Variants in DRC7 observed in about 807,000 individuals in gnomAD.
DRC7 encodes the protein dynein regulatory complex subunit 7.
Under a neutral mutation model 104.4 loss-of-function variants are expected in DRC7, and 80 were observed. That is an observed-to-expected ratio of 0.77 (90% CI 0.64 to 0.92). DRC7 has a LOEUF of 0.92. DRC7 is among the 40% of genes least tolerant of loss of function. The pLI, the probability that DRC7 is intolerant of heterozygous loss-of-function variation, is 0.00. For missense variants in DRC7, 1,034 were observed against 1,141.1 expected, an observed-to-expected ratio of 0.91 and a Z score of 1.35; for synonymous variants, 405 against 447.3, an observed-to-expected ratio of 0.91 and a Z score of 1.19.
At position 57,704,980 on chromosome 16, in the gene DRC7, G is replaced by C. The variant is rs1352644557; in HGVS notation, c.804G>C (p.Gln268His). The C allele has an allele frequency of 6.2e-7, 1 of 1,613,590 alleles. No individual in the cohort carries two copies. Among genetic ancestry groups the C allele is most frequent in the African/African-American group, 1.3e-5 (1 of 75,018 alleles). The part of the protein sequence containing the change: ...FEQEQEVKKQ[Q>H]EIRAQEKKRL... ...AGGAGCAAGAGGTGAAGAAGCAGCA[G>C]GAGATCAGAGCCCAGGAGAAGAAGC... The change falls in exon 7 of 19, where the codon CAG becomes CAC. Residue 268 changes from glutamine (Q) to histidine (H), a missense_variant. Coordinates refer to ENST00000360716, the MANE Select transcript of DRC7 (RefSeq NM_001289162.2).
chr16:57,731,319 GCTC>G lies in DRC7; in HGVS notation c.*64_*66del. 7.3e-7 allele frequency: 1 copy of G among 1,368,480 alleles called. No individual in the cohort carries two copies. The highest frequency in any genetic ancestry group is 1.0e-6 in the Non-Finnish European group (1 of 965,402). The allele number at this position is 1,368,480 out of a possible 1,614,324, so 84.8% of individuals were successfully genotyped here. Reference sequence around the variant, plus strand: ...AAAGGAAACCTCTTCCCGCAGCCTGGCTCCTGTGTTCCCTCTATCCAGCCAATG... The same window carrying G: ...AAAGGAAACCTCTTCCCGCAGCCTGGCTGTGTTCCCTCTATCCAGCCAATG... On this transcript the variant is annotated 3_prime_UTR_variant, in exon 19 of 19. Coordinates refer to ENST00000360716, the MANE Select transcript of DRC7 (RefSeq NM_001289162.2).
rs554272284 is a variant in DRC7 at position 57,726,566 on chromosome 16, G to A, written c.1975-266G>A. The A allele has an allele frequency of 2.2e-5, 12 of 556,912 alleles. No homozygotes were observed. The South Asian group carries it at 2.4e-4, about 11-fold the overall frequency. The allele number at this position is 556,912 out of a possible 1,614,324, so 34.5% of individuals were successfully genotyped here. A position where few individuals can be genotyped will look rare whatever the true frequency, so the allele number is the denominator to read the frequency against. On this transcript the variant is annotated intron_variant, in intron 14 of 18. Coordinates refer to ENST00000360716, the MANE Select transcript of DRC7 (RefSeq NM_001289162.2). ...CAGATCCTAGGGAGGCTCTGTGGGA[G>A]GGGAAGAGTCTCACTACCTCTGAGG...
chr16:57,702,087 A>G lies in DRC7; in HGVS notation c.656A>G (p.Asp219Gly), dbSNP rs750825334. 34 of 1,613,978 alleles carry G rather than the reference A, an allele frequency of 2.1e-5. No individual in the cohort carries two copies. Among genetic ancestry groups the G allele is most frequent in the Non-Finnish European group, 2.7e-5 (32 of 1,180,014 alleles). ...GGCTCGCTGGACCTGTGCCACATGG[A>G]CCTGACGCGGGAGGTGTGCCCACTC... ...GYGSLDLCHM[D>G]LTREVCPLTV... is the part of the protein sequence containing the mutation. Residue 219 changes from aspartate (D) to glycine (G), a missense_variant, in exon 6 of 19, where the codon GAC becomes GGC. Transcript: ENST00000360716.
chr16:57,715,462 C>T (rs1381570642), intron 8 of DRC7, among the ~76,000 whole-genome samples: 1 of 152,202 alleles, frequency 6.6e-6, no homozygotes, highest in Non-Finnish European at 1.5e-5. Flanking sequence ...TGCATGATTG[C>T]TTTGCCGGTT....
At chr16:57,696,071 G>A (rs371269664) in intron 1 of DRC7, among the ~76,000 whole-genome samples, 7 of 152,154 alleles carry the variant, frequency 4.6e-5, no homozygotes, top group Non-Finnish European at 8.8e-5. Flanking sequence ...TGTGGGTTTC[G>A]TTTGTTTTCC....
chr16:57,721,808 A>T (rs1208469910), intron 10 of DRC7, 69 bp downstream of exon 10: 1 of 1,197,468 alleles, frequency 8.4e-7, no homozygotes, highest in Non-Finnish European at 1.2e-6. Flanking sequence ...GAGGTCTGCA[A>T]CAGCGAGGCA....
chr16:57,697,810 C>A, intron 2 of DRC7, 103 bp from the exon 3 acceptor site: 1 of 1,335,552 alleles, frequency 7.5e-7, no homozygotes, highest in Non-Finnish European at 1.0e-6. Context: ...TTCGACACCT[C>A]CTCAAAACCA....
Position 57,697,928 on chromosome 16 carries a change from A to G in DRC7, c.-22A>G, listed in dbSNP as rs1359936377. 6.2e-7 allele frequency: 1 copy of G among 1,606,606 alleles called. No individual in the cohort carries two copies. The highest frequency in any genetic ancestry group is 1.3e-5 in the African/African-American group (1 of 74,692). ...TTCCCCACAGAGACATTCCATCTCC[A>G]GACACCCAGAGACGCTCCAGAATGG... is the stretch of plus-strand genomic sequence containing the variant. On this transcript the variant is annotated 5_prime_UTR_variant, in exon 3 of 19. Transcript: ENST00000360716.
At chr16:57,723,854 C>T (rs1173574547) in intron 12 of DRC7, among the ~76,000 whole-genome samples, 2 of 151,816 alleles carry the variant, frequency 1.3e-5, no homozygotes, top group African/African-American at 2.4e-5. Flanking sequence ...AATAAGGTCC[C>T]TAACCAATAA....
rs373835894 is a variant in DRC7 at position 57,724,807 on chromosome 16, G to C, written c.1730G>C (p.Ser577Thr). The stretch of plus-strand genomic sequence containing the variant: ...CGAGTCAAGAAGCTCACTCTGAGCA[G>C]TGCAGAGTCAAACCCCCGGCCCATT... ...GPRVKKLTLS[S>T]AESNPRPIVK... is the part of the protein sequence containing the mutation. The change falls in exon 13 of 19, where the codon AGT becomes ACT. Residue 577 changes from serine (S) to threonine (T), a missense_variant. Physicochemically the swap from Ser to Thr is moderately conservative, Grantham distance 58. Coordinates refer to ENST00000360716, the MANE Select transcript of DRC7 (RefSeq NM_001289162.2). 3 of 1,613,606 alleles carry C rather than the reference G, an allele frequency of 1.9e-6. No individual in the cohort carries two copies. The highest frequency in any genetic ancestry group is 8.5e-7 in the Non-Finnish European group (1 of 1,179,958).
At chr16:57,727,828 G>T (rs1173997540) in intron 16 of DRC7, among the ~76,000 whole-genome samples, 2 of 152,232 alleles carry the variant, frequency 1.3e-5, no homozygotes, top group Non-Finnish European at 2.9e-5. Flanking sequence ...GGTTTTCAGG[G>T]CCGGCTTCTG....
In DRC7 at chr16:57,718,479, A is replaced by G; in HGVS notation, c.1206+4A>G. The G allele has an allele frequency of 6.2e-7, 1 of 1,613,720 alleles. No individual in the cohort carries two copies. Among genetic ancestry groups the G allele is most frequent in the Non-Finnish European group, 8.5e-7 (1 of 1,179,734 alleles). ...TGAGGATGATGTGGAAAATCTGGTGAGTCTCAGCAGCTCGAGAGCCCAGGG... is the reference window on the plus strand; with the variant it reads ...TGAGGATGATGTGGAAAATCTGGTGGGTCTCAGCAGCTCGAGAGCCCAGGG... On this transcript the variant is annotated splice_donor_region_variant and intron_variant, in intron 9 of 18. Coordinates refer to ENST00000360716, the MANE Select transcript of DRC7 (RefSeq NM_001289162.2).
chr16:57,711,523 G>A (rs551671213), intron 8 of DRC7, among the ~76,000 whole-genome samples: 27 of 152,222 alleles, frequency 1.8e-4, no homozygotes, highest in Non-Finnish European at 3.5e-4. Flanking sequence ...AGCAGCAGAT[G>A]GACTGCTCCT....
At chr16:57,700,489 A>G (rs959921195) in intron 5 of DRC7, among the ~76,000 whole-genome samples, 1 of 152,152 alleles carries the variant, frequency 6.6e-6, no homozygotes, top group Admixed American at 6.5e-5. Context: ...TCTACTAAAA[A>G]TACAAAAATT....
At position 57,726,188 on chromosome 16, in the gene DRC7, A is replaced by G. The variant is rs2048962950; in HGVS notation, c.1879A>G (p.Ile627Val). ...GCGCTACCACTGCCGTGAGGACCACATCACGGCCTCCAAGCGCGAGTTCCT... is the reference window on the plus strand; with the variant it reads ...GCGCTACCACTGCCGTGAGGACCACGTCACGGCCTCCAAGCGCGAGTTCCT... The part of the protein sequence containing the change: ...QLRYHCREDH[I>V]TASKREFLRR... The change falls in exon 14 of 19, where the codon ATC (isoleucine) becomes GTC (valine). Residue 627 changes from isoleucine (I) to valine (V), a missense_variant. Transcript: ENST00000360716. 1.2e-6 allele frequency: 2 copies of G among 1,613,228 alleles called. No homozygotes were observed. Among genetic ancestry groups the G allele is most frequent in the Non-Finnish European group, 1.7e-6 (2 of 1,179,992 alleles).
Position 57,700,175 on chromosome 16 carries a change from CT to C in DRC7, c.410del (p.Leu137ArgfsTer84). The C allele has an allele frequency of 1.2e-6, 2 of 1,613,460 alleles. No individual in the cohort carries two copies. Among genetic ancestry groups the C allele is most frequent in the Non-Finnish European group, 1.7e-6 (2 of 1,179,812 alleles). On this transcript the variant is annotated frameshift_variant, in exon 5 of 19. Transcript: ENST00000360716. LOFTEE classifies it high-confidence loss of function. ...CGTGAGCACAACCCTCCGGCCCACA[CT>C]GATGCCCTACCCCGAGCTCTACAAC... ...KFVSTTLRPT[L>X]MPYPELYNWD...
At chr16:57,718,147 C>T (rs751927285) in intron 8 of DRC7, among the ~76,000 whole-genome samples, 200 bp from the exon 9 acceptor site, 61 of 152,226 alleles carry the variant, frequency 4.0e-4, no homozygotes, top group Non-Finnish European at 7.5e-4. Flanking sequence ...TGCTCCCCCT[C>T]GGGGCCTCAG....
chr16:57,724,193 C>A (rs1016443363), intron 12 of DRC7, among the ~76,000 whole-genome samples: 3 of 151,320 alleles, frequency 2.0e-5, no homozygotes, highest in African/African-American at 4.9e-5. Flanking sequence ...GCCTGTAGTC[C>A]CAGTTACTTG....
intron 9 of DRC7, among the ~76,000 whole-genome samples, chr16:57,720,201 G>T (rs940321259): frequency 1.1e-3 from 165 of 152,314 alleles, no homozygotes; most frequent in African/African-American, 3.8e-3. Flanking sequence ...ACACAGAGAG[G>T]TTAAGTCACT....
Sources: gnomAD v4.1 joint callset for allele counts (sites outside exome capture counted in the v4.1 genomes callset) on GRCh38, gnomAD v4.1.1 for gene constraint, MANE v1.5 for transcripts, NCBI Gene and HGNC (gene_info 2026-07-23, HGNC 2026-07-21) for gene names.